Variants in RBPJ observed in about 807,000 individuals in gnomAD.
RBPJ encodes the protein recombination signal binding protein for immunoglobulin kappa J region, also known as recombining binding protein suppressor of hairless.
RBPJ carries 9 observed loss-of-function variants against 67.8 expected under a neutral mutation model. That is an observed-to-expected ratio of 0.13 (90% CI 0.08 to 0.23). The LOEUF (loss-of-function observed/expected upper bound fraction) is 0.23. Among genes scored for constraint, RBPJ ranks in the 10% least tolerant of loss-of-function variants. The pLI, the probability that RBPJ is intolerant of heterozygous loss-of-function variation, is 1.00. For synonymous variants in RBPJ, 198 were observed against 203.3 expected, an observed-to-expected ratio of 0.97 and a Z score of 0.22; for missense variants, 305 against 595.6, an observed-to-expected ratio of 0.51 and a Z score of 5.08.
chr4:26,340,223 G>A (rs1725366952), intron 1 of RBPJ, among the ~76,000 whole-genome samples: 1 of 152,198 alleles, frequency 6.6e-6, no homozygotes, highest in African/African-American at 2.4e-5. Flanking sequence ...GTCAAGGAAG[G>A]CCTCACAGAG....
chr4:26,352,422 A>G (rs1438044304), intron 1 of RBPJ, among the ~76,000 whole-genome samples: 1 of 152,186 alleles, frequency 6.6e-6, no homozygotes, highest in Admixed American at 6.5e-5. Flanking sequence ...TTCCCTCCTG[A>G]TATTGTGACG....
intron 1 of RBPJ, among the ~76,000 whole-genome samples, chr4:26,348,227 T>C (rs1726385833): frequency 1.3e-5 from 2 of 152,120 alleles, no homozygotes; most frequent in African/African-American, 4.8e-5. Flanking sequence ...TCCCAAAGTG[T>C]TGGGATTACA....
the RBPJ span, among the ~76,000 whole-genome samples, chr4:26,134,584 C>A: frequency 6.6e-6 from 1 of 152,186 alleles, no homozygotes; most frequent in East Asian, 1.9e-4. Context: ...ATGGGTGCTC[C>A]CTGCAAATGC....
In RBPJ at chr4:26,264,797, C is replaced by A. The variant is rs1452709620; in HGVS notation, c.-166-97649C>A. 6.6e-6 allele frequency among the ~76,000 whole-genome samples: 1 copy of A among 152,168 alleles called. No homozygotes were observed. Among genetic ancestry groups the A allele is most frequent in the Non-Finnish European group, 1.5e-5 (1 of 68,044 alleles). ...TGTGCTCCCATAACCCTCTGCCTAC[C>A]GTAGCAGGCATTTTATGGTTTGCCT... On this transcript the variant is annotated intron_variant, in intron 1 of 4. Coordinates refer to the RBPJ transcript ENST00000512351. The surrounding 1 kb of genome is among the most constrained non-coding windows in gnomAD (Gnocchi z 4.1).
chr4:26,244,114 A>T (rs915906860), intron 1 of RBPJ, among the ~76,000 whole-genome samples: 1 of 148,802 alleles, frequency 6.7e-6, no homozygotes, highest in African/African-American at 2.5e-5. Context: ...AAAAAGAAGA[A>T]AAAGAAACTT....
the RBPJ span, among the ~76,000 whole-genome samples, chr4:26,109,934 C>T: frequency 6.6e-6 from 1 of 152,032 alleles, no homozygotes; most frequent in Admixed American, 6.6e-5. Context: ...CCCTCTTCTT[C>T]CCTACTCTGG....
At chr4:26,209,029 C>T (rs1165503157) in intron 1 of RBPJ, among the ~76,000 whole-genome samples, 2 of 150,852 alleles carry the variant, frequency 1.3e-5, no homozygotes, top group African/African-American at 4.9e-5. Context: ...GCAGCTAGAA[C>T]TGTAAATATT....
intron 1 of RBPJ, among the ~76,000 whole-genome samples, chr4:26,244,192 T>G (rs1719759879): frequency 6.9e-6 from 1 of 145,614 alleles, no homozygotes; most frequent in Admixed American, 6.9e-5. Context: ...TGTATACATA[T>G]ATGTGTCTAT....
At chr4:26,361,077 G>GTGTGTGTGTGTT (rs1356096711) in intron 1 of RBPJ, among the ~76,000 whole-genome samples, 1 of 151,494 alleles carries the variant, frequency 6.6e-6, no homozygotes, top group Non-Finnish European at 1.5e-5. Context: ...GTGTGTGTGT[G>GTGTGTGTGTGTT]TGTCACATTC....
chr4:26,318,066 A>G (rs1722716451), upstream of RBPJ, among the ~76,000 whole-genome samples: 1 of 151,826 alleles, frequency 6.6e-6, no homozygotes, highest in Non-Finnish European at 1.5e-5. Flanking sequence ...ATATTGCACC[A>G]AATGGTTTTA....
chr4:26,173,676 A>C (rs1716689079), intron 1 of RBPJ, among the ~76,000 whole-genome samples: 1 of 152,198 alleles, frequency 6.6e-6, no homozygotes, highest in Admixed American at 6.5e-5. Context: ...GGCTGGAAAC[A>C]TAACGCTTCC....
At chr4:26,191,202 TATATATATAGAGAG>T (rs1334203795) in intron 1 of RBPJ, among the ~76,000 whole-genome samples, 417 of 32,146 alleles carry the variant, frequency 0.013, 2 homozygotes, top group South Asian at 0.025. Context: ...TATATATATA[TATATATATAGAGAG>T]AGAGAGAGAG....
At chr4:26,429,547 A>G (rs182313459) in intron 8 of RBPJ, among the ~76,000 whole-genome samples, 28 of 152,266 alleles carry the variant, frequency 1.8e-4, no homozygotes, top group Admixed American at 5.2e-4. Context: ...CTTTCTTAGG[A>G]GTCCTTGAAG....
the RBPJ span, among the ~76,000 whole-genome samples, chr4:26,123,528 C>T: frequency 1.3e-5 from 2 of 152,020 alleles, no homozygotes; most frequent in African/African-American, 2.4e-5. Context: ...CTTTCTTCAA[C>T]AATATATTAA....
At chr4:26,349,087 T>TGCGCGCGC (rs201817822) in intron 1 of RBPJ, among the ~76,000 whole-genome samples, 2 of 67,652 alleles carry the variant, frequency 3.0e-5, no homozygotes, top group Non-Finnish European at 7.3e-5. Context: ...TGTGTGTGTG[T>TGCGCGCGC]GCGCGCGCGC....
intron 3 of RBPJ, 51 bp from the exon 4 acceptor site, chr4:26,415,424 A>G: frequency 7.4e-7 from 1 of 1,353,716 alleles, no homozygotes; most frequent in Non-Finnish European, 1.0e-6. Context: ...GCTTTATTGA[A>G]TCTAATTGAT....
rs770101084 is a variant in RBPJ at position 26,428,903 on chromosome 4, G to T, written c.888+43G>T. The T allele has an allele frequency of 2.6e-6, 4 of 1,512,546 alleles. No homozygotes were observed. In the East Asian group the frequency reaches 9.0e-5, roughly 34 times the overall value. The allele number at this position is 1,512,546 out of a possible 1,614,324, so 93.7% of individuals were successfully genotyped here. On this transcript the variant is annotated intron_variant, in intron 8 of 10. Coordinates refer to ENST00000355476, the MANE Select transcript of RBPJ (RefSeq NM_015874.6). ...TGGTGAAATCTAAAATGTACAAACT[G>T]TGAGGTTAGCAGCTTGCAAAAATAT... is the stretch of plus-strand genomic sequence containing the variant.
At chr4:26,388,736 A>G (rs1286868032) in intron 2 of RBPJ, among the ~76,000 whole-genome samples, 2 of 152,234 alleles carry the variant, frequency 1.3e-5, no homozygotes, top group Non-Finnish European at 2.9e-5. Context: ...AGACATAGCA[A>G]TAGATACTAT....
At chr4:26,323,044 C>G (rs1723255735) in intron 1 of RBPJ, 1 of 150,912 alleles carries the variant, frequency 6.6e-6, no homozygotes, top group Non-Finnish European at 1.5e-5. Context: ...CATACGAGAT[C>G]TACTCTAACG....
Sources: gnomAD v4.1 joint callset for allele counts (sites outside exome capture counted in the v4.1 genomes callset) on GRCh38, gnomAD v4.1.1 for gene constraint, Gnocchi (gnomAD v3.1) non-coding constraint, MANE v1.5 for transcripts, NCBI Gene and HGNC (gene_info 2026-07-23, HGNC 2026-07-21) for gene names.